The following ZFPM2 variants were observed in gnomAD, a reference collection of about 807,000 sequenced individuals.
ZFPM2 encodes the protein zinc finger protein, FOG family member 2, also known as zinc finger protein ZFPM2.
Under a neutral mutation model 98.6 loss-of-function variants are expected in ZFPM2, and 20 were observed. The observed-to-expected ratio is 0.20, with a 90% CI of 0.14 to 0.29. The LOEUF (loss-of-function observed/expected upper bound fraction) is 0.29. Ranked by LOEUF, ZFPM2 falls within the 10% of genes least tolerant of loss-of-function variation. The pLI, the probability that ZFPM2 is intolerant of heterozygous loss-of-function variation, is 1.00. For synonymous variants in ZFPM2, 518 were observed against 502.7 expected (o/e 1.03, Z -0.41); for missense variants, 1,310 against 1,388.6 (o/e 0.94, Z 0.90).
chr8:105,330,557 TATATATATATAC>T (rs1554594968), intron 1 of ZFPM2, among the ~76,000 whole-genome samples: 2 of 120,822 alleles, frequency 1.7e-5, no homozygotes, highest in African/African-American at 6.7e-5. Flanking sequence ...TATATACATA[TATATATATATAC>T]ATATATATAT....
intron 3 of ZFPM2, among the ~76,000 whole-genome samples, chr8:105,501,143 G>A (rs1275005882): frequency 6.7e-6 from 1 of 149,830 alleles, no homozygotes; most frequent in Non-Finnish European, 1.5e-5. Flanking sequence ...GTAAGAACAT[G>A]TTTTGATTGT....
intron 3 of ZFPM2, among the ~76,000 whole-genome samples, chr8:105,499,541 G>T (rs992305937): frequency 6.6e-6 from 1 of 152,154 alleles, no homozygotes; most frequent in African/African-American, 2.4e-5. Flanking sequence ...GTATCTGAAC[G>T]TGAAGGAGGA....
intron 3 of ZFPM2, among the ~76,000 whole-genome samples, chr8:105,544,791 A>G (rs775460364): frequency 1.3e-5 from 2 of 152,196 alleles, no homozygotes; most frequent in African/African-American, 2.4e-5. Context: ...TGCTCATTAC[A>G]TGTTTGTTCA....
chr8:105,483,955 C>G (rs148991424), intron 3 of ZFPM2, among the ~76,000 whole-genome samples: 2 of 151,734 alleles, frequency 1.3e-5, no homozygotes, highest in African/African-American at 4.8e-5. Context: ...AGGATGGTCT[C>G]GATCTCCTGA....
At chr8:105,600,327 G>T (rs1216261328) in intron 4 of ZFPM2, among the ~76,000 whole-genome samples, 1 of 152,084 alleles carries the variant, frequency 6.6e-6, no homozygotes. Context: ...TGAAATGTTT[G>T]TAAGATTTCT....
Position 105,721,448 on chromosome 8 carries a change from A to G in ZFPM2, c.533-67270A>G, listed in dbSNP as rs1342348352. Among the ~76,000 whole-genome samples, 12 of 152,078 alleles carry G rather than the reference A, an allele frequency of 7.9e-5. No individual in the cohort carries two copies. In the South Asian group the frequency reaches 2.5e-3, roughly 32 times the overall value. ...ATATTTATAATTCCACAAAAACAGA[A>G]AGTTTATCTTTTTCTCACAGCTTTT... On this transcript the variant is annotated intron_variant, in intron 5 of 7. Coordinates refer to ENST00000407775, the MANE Select transcript of ZFPM2 (RefSeq NM_012082.4).
intron 1 of ZFPM2, among the ~76,000 whole-genome samples, chr8:105,386,457 TG>T (rs1810991963): frequency 6.6e-6 from 1 of 151,850 alleles, no homozygotes; most frequent in Non-Finnish European, 1.5e-5. Context: ...TCGTGGTGAG[TG>T]TTATAGCTCT....
intron 5 of ZFPM2, among the ~76,000 whole-genome samples, chr8:105,670,438 G>A (rs1271025586): frequency 6.9e-6 from 1 of 145,826 alleles, no homozygotes; most frequent in East Asian, 2.1e-4. Flanking sequence ...GGAGCTTGCA[G>A]TGAGCCGAGA....
At chr8:105,724,976 C>A (rs1281310421) in intron 5 of ZFPM2, among the ~76,000 whole-genome samples, 2 of 151,726 alleles carry the variant, frequency 1.3e-5, no homozygotes, top group African/African-American at 4.8e-5. Context: ...CAGTTCAAAT[C>A]TGTGTTATTC....
chr8:105,437,736 A>G (rs956920397), intron 2 of ZFPM2, among the ~76,000 whole-genome samples: 4 of 152,150 alleles, frequency 2.6e-5, no homozygotes, highest in African/African-American at 7.2e-5. Context: ...GGTGGCTGCC[A>G]TTTTTAATGT....
rs570906180 is a variant in ZFPM2 at position 105,548,540 on chromosome 8, G to A, written c.302-12823G>A. ...GCAGTGATTTTTATCTCAAGGCAAC[G>A]TTCTCTCATTCATTAAACCTCTGCC... On this transcript the variant is annotated intron_variant, in intron 3 of 7. Transcript: ENST00000407775. Among the ~76,000 whole-genome samples the A allele has an allele frequency of 7.9e-5, 12 of 152,000 alleles. 2 individuals are homozygous for A. The South Asian group carries it at 2.1e-3, about 26-fold the overall frequency.
chr8:105,621,493 C>G lies in ZFPM2; in HGVS notation c.421-12753C>G, dbSNP rs539482579. 2.1e-4 allele frequency among the ~76,000 whole-genome samples: 32 copies of G among 152,264 alleles called. No homozygotes were observed. In the South Asian group the frequency reaches 6.2e-3, roughly 30 times the overall value. On this transcript the variant is annotated intron_variant, in intron 4 of 7. Coordinates refer to ENST00000407775, the MANE Select transcript of ZFPM2 (RefSeq NM_012082.4). ...GCAAACAGGGTCAATTTGACTTCCT[C>G]TTGTCCTAATTGAATACCCTTTATT...
intron 1 of ZFPM2, among the ~76,000 whole-genome samples, chr8:105,342,192 T>G (rs568408628): frequency 6.6e-6 from 1 of 152,196 alleles, no homozygotes; most frequent in Non-Finnish European, 1.5e-5. Context: ...CTGTTTCATA[T>G]TTAAGTGATA....
intron 5 of ZFPM2, among the ~76,000 whole-genome samples, chr8:105,765,517 T>C (rs1812836414): frequency 6.6e-6 from 1 of 151,776 alleles, no homozygotes; most frequent in Non-Finnish European, 1.5e-5. Flanking sequence ...GACAATTGCA[T>C]TTTACTTCTC....
At chr8:105,707,501 C>T (rs1811291300) in intron 5 of ZFPM2, among the ~76,000 whole-genome samples, 1 of 152,120 alleles carries the variant, frequency 6.6e-6, no homozygotes, top group African/African-American at 2.4e-5. Context: ...GAATACACAA[C>T]TTTCACCTAC....
At position 105,801,687 on chromosome 8, in the gene ZFPM2, C is replaced by T. The variant is rs762359837; in HGVS notation, c.1605C>T (p.Tyr535=). The T allele has an allele frequency of 1.2e-6, 2 of 1,613,644 alleles. No homozygotes were observed. The highest frequency in any genetic ancestry group is 1.1e-5 in the South Asian group (1 of 91,074). ...HRRLRHGSSS[Y]PPVIYSPLMP... The stretch of plus-strand genomic sequence containing the variant: ...GACTGAGGCATGGCAGTAGTAGCTA[C>T]CCTCCCGTCATTTACAGCCCTTTGA... The change falls in exon 8 of 8, where the codon TAC becomes TAT. Residue 535 remains tyrosine, a synonymous_variant. Transcript: ENST00000407775.
intron 5 of ZFPM2, among the ~76,000 whole-genome samples, chr8:105,637,715 G>A (rs966244417): frequency 5.9e-5 from 9 of 151,940 alleles, no homozygotes; most frequent in Non-Finnish European, 1.0e-4. Flanking sequence ...ATATGATCCC[G>A]GGAGGCACTC....
At chr8:105,575,139 C>T (rs577316757) in intron 4 of ZFPM2, among the ~76,000 whole-genome samples, 3 of 152,156 alleles carry the variant, frequency 2.0e-5, no homozygotes, top group South Asian at 2.1e-4. Context: ...GCTGATATTC[C>T]GGGAGGAGAA....
At chr8:105,603,556 C>T (rs1816137173) in intron 4 of ZFPM2, among the ~76,000 whole-genome samples, 1 of 151,948 alleles carries the variant, frequency 6.6e-6, no homozygotes, top group African/African-American at 2.4e-5. Flanking sequence ...AATGATTAGC[C>T]TTATCAGTAT....
Sources: gnomAD v4.1 joint callset for allele counts (sites outside exome capture counted in the v4.1 genomes callset) on GRCh38, gnomAD v4.1.1 for gene constraint, MANE v1.5 for transcripts, NCBI Gene and HGNC (gene_info 2026-07-23, HGNC 2026-07-21) for gene names.